The following IL31RA variants were observed in gnomAD, a reference collection of about 807,000 sequenced individuals.
IL31RA encodes the protein interleukin-31 receptor subunit alpha.
IL31RA carries 66 observed loss-of-function variants against 83.7 expected under a neutral mutation model. That is an observed-to-expected ratio of 0.79 (90% CI 0.65 to 0.97). The LOEUF (loss-of-function observed/expected upper bound fraction) is 0.97. Among genes scored for constraint, IL31RA ranks in the 50% least tolerant of loss-of-function variants. The probability of loss-of-function intolerance (pLI) is 0.00; values close to 1 mark genes in which losing one functional copy is unlikely to be tolerated. For synonymous variants in IL31RA, 325 were observed against 329.0 expected (o/e 0.99, Z 0.13); for missense variants, 798 against 919.4 (o/e 0.87, Z 1.71).
intron 6 of IL31RA, among the ~76,000 whole-genome samples, chr5:55,892,549 C>G (rs1281597857): frequency 6.6e-6 from 1 of 152,152 alleles, no homozygotes; most frequent in African/African-American, 2.4e-5. Context: ...TTTTGTGTTC[C>G]CCACTGGAGA....
At chr5:55,847,242 T>TG (rs1281090590), upstream of IL31RA, among the ~76,000 whole-genome samples, 2 of 115,092 alleles carry the variant, frequency 1.7e-5, no homozygotes, top group African/African-American at 7.5e-5. Flanking sequence ...AAAAAAAAAA[T>TG]AAAAATAAAT....
intron 11 of IL31RA, chr5:55,908,906 T>A (rs1580740652): frequency 8.0e-7 from 1 of 1,257,574 alleles, no homozygotes; most frequent in East Asian, 3.3e-5. Context: ...GTAAAATATT[T>A]TTCCAGTTTA....
At chr5:55,913,245 C>T (rs1387373668) in intron 12 of IL31RA, among the ~76,000 whole-genome samples, 3 of 152,078 alleles carry the variant, frequency 2.0e-5, no homozygotes, top group East Asian at 3.9e-4. Context: ...TGCACACTAT[C>T]ACACCCGGCT....
Position 55,917,210 on chromosome 5 carries a change from G to A in IL31RA, c.*90G>A, listed in dbSNP as rs1580752965. 2 of 1,602,578 alleles carry A rather than the reference G, an allele frequency of 1.2e-6. No individual in the cohort carries two copies. The highest frequency in any genetic ancestry group is 1.3e-5 in the African/African-American group (1 of 74,838). On this transcript the variant is annotated 3_prime_UTR_variant, in exon 15 of 15. Coordinates refer to ENST00000652347, the MANE Select transcript of IL31RA (RefSeq NM_139017.7). ...AGACTCGGCACGCAGCGCTTGCTTG[G>A]CCCTGCCACATCCTGCCTAGGTTAA... is the stretch of plus-strand genomic sequence containing the variant.
Position 55,883,328 on chromosome 5 carries a change from C to T in IL31RA, c.606+133C>T. On this transcript the variant is annotated intron_variant, in intron 5 of 14. Coordinates refer to ENST00000652347, the MANE Select transcript of IL31RA (RefSeq NM_139017.7). ...AGAAGAGAGACATTGCTAAGTACTT[C>T]TCCTTCCAGTTTTCCATTTTTCCAT... The T allele has an allele frequency of 8.1e-6, 7 of 858,906 alleles. No individual in the cohort carries two copies. In the South Asian group the frequency reaches 1.1e-4, roughly 13 times the overall value. 53.2% of individuals were successfully genotyped at this position (858,906 alleles called of 1,614,324 possible).
At chr5:55,874,185 T>G (rs991980031) in intron 4 of IL31RA, among the ~76,000 whole-genome samples, 4 of 152,128 alleles carry the variant, frequency 2.6e-5, no homozygotes, top group Non-Finnish European at 5.9e-5. Flanking sequence ...TTGAATTGTC[T>G]TGGCACCTTT....
intron 1 of IL31RA, among the ~76,000 whole-genome samples, chr5:55,855,830 G>T (rs138835451): frequency 6.6e-6 from 1 of 152,310 alleles, no homozygotes; most frequent in Non-Finnish European, 1.5e-5. Flanking sequence ...AGATTTGTTT[G>T]CAGTCGTTCT....
intron 1 of IL31RA, among the ~76,000 whole-genome samples, chr5:55,856,181 G>A (rs1745352923): frequency 6.6e-6 from 1 of 152,200 alleles, no homozygotes; most frequent in Non-Finnish European, 1.5e-5. Flanking sequence ...ACAGGCATGA[G>A]CCACCACGCC....
intron 5 of IL31RA, among the ~76,000 whole-genome samples, chr5:55,883,979 T>C (rs1337260048): frequency 6.6e-6 from 1 of 152,242 alleles, no homozygotes; most frequent in Non-Finnish European, 1.5e-5. Context: ...TAGTATCTCA[T>C]AGTATGAACA....
In IL31RA at chr5:55,859,757, C is replaced by T. The variant is rs77100685; in HGVS notation, c.154+158C>T. 5.5e-3 allele frequency among the ~76,000 whole-genome samples: 836 copies of T among 152,300 alleles called. 7 individuals carry two copies. Among genetic ancestry groups the T allele is most frequent in the African/African-American group, 0.019 (796 of 41,558 alleles). On this transcript the variant is annotated intron_variant, in intron 2 of 14. Coordinates refer to ENST00000652347, the MANE Select transcript of IL31RA (RefSeq NM_139017.7). Reference sequence around the variant, plus strand: ...ATTTGTGTGTGTGTCTGTGTGTGCACACATGCATGCAATTTCACATATACT... The same window carrying T: ...ATTTGTGTGTGTGTCTGTGTGTGCATACATGCATGCAATTTCACATATACT...
At chr5:55,906,502 C>G (rs1476743146) in intron 9 of IL31RA, among the ~76,000 whole-genome samples, 1 of 152,142 alleles carries the variant, frequency 6.6e-6, no homozygotes, top group Admixed American at 6.5e-5. Context: ...GGTATCTGAT[C>G]GATCTCCAGG....
Position 55,900,148 on chromosome 5 carries a change from A to G in IL31RA, c.1069+16A>G. ...CAAGAAAAATGTAAGTAGAGCATCA[A>G]CTTCTTCCTTAGGTGCCTGGTCCCA... On this transcript the variant is annotated intron_variant, in intron 8 of 14. Coordinates refer to ENST00000652347, the MANE Select transcript of IL31RA (RefSeq NM_139017.7). 2 of 1,569,984 alleles carry G rather than the reference A, an allele frequency of 1.3e-6. No individual in the cohort carries two copies. Among genetic ancestry groups the G allele is most frequent in the Non-Finnish European group, 1.8e-6 (2 of 1,139,776 alleles).
rs565972230 is a variant in IL31RA, at chr5:55,873,518, G to T, written c.454+1067G>T. Among the ~76,000 whole-genome samples the T allele has an allele frequency of 2.0e-5, 3 of 152,116 alleles. No individual in the cohort carries two copies. The South Asian group carries it at 6.2e-4, about 32-fold the overall frequency. ...ACTGCACCATTTAACATTCCCACTG[G>T]CAATTTATAAAGGTTACAATTTCTG... On this transcript the variant is annotated intron_variant, in intron 4 of 14. Coordinates refer to ENST00000652347, the MANE Select transcript of IL31RA (RefSeq NM_139017.7).
rs1747354733 is a variant in IL31RA, at chr5:55,883,147, T to C, written c.558T>C (p.Ser186=). 2.5e-6 allele frequency: 4 copies of C among 1,613,998 alleles called. No individual in the cohort carries two copies. The highest frequency in any genetic ancestry group is 2.5e-6 in the Non-Finnish European group (3 of 1,179,952). Reference sequence around the variant, plus strand: ...AGCCTGAGTTGGCGCCTGTTTCATCTGATTTAAAATACACACTTCGATTCA... The same window carrying C: ...AGCCTGAGTTGGCGCCTGTTTCATCCGATTTAAAATACACACTTCGATTCA... ...WIKPELAPVS[S]DLKYTLRFRT... The change falls in exon 5 of 15, where the codon TCT becomes TCC. Residue 186 remains serine (S), a synonymous_variant. Transcript: ENST00000652347.
intron 12 of IL31RA, among the ~76,000 whole-genome samples, chr5:55,912,668 G>A (rs909258649): frequency 2.0e-5 from 3 of 152,170 alleles, no homozygotes; most frequent in African/African-American, 4.8e-5. Flanking sequence ...TTGGTGGCAC[G>A]TGCCTGTAAT....
chr5:55,887,832 C>A (rs1432943274), intron 5 of IL31RA, among the ~76,000 whole-genome samples: 1 of 151,768 alleles, frequency 6.6e-6, no homozygotes, highest in East Asian at 1.9e-4. Flanking sequence ...TTGCAGTGAG[C>A]CGAGATCGCC....
At chr5:55,866,264 T>A (rs1251846386) in intron 2 of IL31RA, among the ~76,000 whole-genome samples, 1 of 151,958 alleles carries the variant, frequency 6.6e-6, no homozygotes, top group Non-Finnish European at 1.5e-5. Flanking sequence ...CACCATAGAG[T>A]TGGTGCTTAG....
At chr5:55,839,942 C>T in the IL31RA span, 2 of 665,700 alleles carry the variant, frequency 3.0e-6, no homozygotes, top group Non-Finnish European at 5.6e-6. Context: ...AGAAGAAACG[C>T]TGCACTTCAT....
the IL31RA span, among the ~76,000 whole-genome samples, chr5:55,843,512 T>C: frequency 6.6e-6 from 1 of 152,350 alleles, no homozygotes; most frequent in South Asian, 2.1e-4. Flanking sequence ...AGTTCAACTA[T>C]GTAGTTGCTG....
Sources: gnomAD v4.1 joint callset for allele counts (sites outside exome capture counted in the v4.1 genomes callset) on GRCh38, gnomAD v4.1.1 for gene constraint, MANE v1.5 for transcripts, NCBI Gene and HGNC (gene_info 2026-07-23, HGNC 2026-07-21) for gene names.